GULP1: variants seen among roughly 807,000 people sequenced by gnomAD.
The protein encoded by GULP1 is PTB domain-containing engulfment adapter protein 1.
GULP1 carries 19 observed loss-of-function variants against 40.9 expected under a neutral mutation model. The ratio of observed to expected loss-of-function variants is 0.46; its 90% confidence interval spans 0.32 to 0.68. GULP1 has a LOEUF of 0.68. Among genes scored for constraint, GULP1 ranks in the 30% least tolerant of loss-of-function variants. GULP1 has a pLI of 0.03. For synonymous variants in GULP1, 119 were observed against 117.6 expected (o/e 1.01, Z -0.08); for missense variants, 312 against 362.2 (o/e 0.86, Z 1.12).
intron 1 of GULP1, among the ~76,000 whole-genome samples, chr2:188,372,389 T>C (rs2047715260): frequency 6.6e-6 from 1 of 152,092 alleles, no homozygotes; most frequent in Non-Finnish European, 1.5e-5. Context: ...ATAACCTGTT[T>C]CTTATGGTGA....
At chr2:188,511,013 G>A (rs1229649383) in intron 4 of GULP1, among the ~76,000 whole-genome samples, 2 of 151,960 alleles carry the variant, frequency 1.3e-5, no homozygotes, top group African/African-American at 2.4e-5. Flanking sequence ...TAAATTCATT[G>A]AATGTTCATT....
At chr2:188,308,089 C>A (rs559317857) in intron 1 of GULP1, among the ~76,000 whole-genome samples, 35 of 15,986 alleles carry the variant, frequency 2.2e-3, no homozygotes, top group African/African-American at 6.6e-3. Flanking sequence ...ATTACTAAGG[C>A]CTACAGTCTG....
intron 1 of GULP1, among the ~76,000 whole-genome samples, chr2:188,325,005 A>G (rs567610167): frequency 6.6e-6 from 1 of 152,062 alleles, no homozygotes; most frequent in South Asian, 2.1e-4. Context: ...AGTGCAAAAT[A>G]AAGATATTTT....
At chr2:188,557,836 G>A (rs1176603238) in intron 7 of GULP1, among the ~76,000 whole-genome samples, 1 of 152,220 alleles carries the variant, frequency 6.6e-6, no homozygotes, top group Non-Finnish European at 1.5e-5. Flanking sequence ...CAAAGCTTAT[G>A]ACTTGCACCC....
chr2:188,590,483 T>G (rs921839809), intron 11 of GULP1: 1 of 152,198 alleles, frequency 6.6e-6, no homozygotes, highest in African/African-American at 2.4e-5. Context: ...TTAATAAGCC[T>G]AGTGAGACAT....
At position 188,594,293 on chromosome 2, in the gene GULP1, G is replaced by A; in HGVS notation, c.*282G>A. On this transcript the variant is annotated 3_prime_UTR_variant, in exon 12 of 12. Coordinates refer to ENST00000409830, the MANE Select transcript of GULP1 (RefSeq NM_016315.4). ...CATATTATACAAATACCTGCCTTGT[G>A]TCTGAGTTCTATTTAGTTAGCATCT... 1 of 216,320 alleles carries A rather than the reference G, an allele frequency of 4.6e-6. No homozygotes were observed. The allele number at this position is 216,320 out of a possible 1,614,324, so 13.4% of individuals were successfully genotyped here.
chr2:188,317,937 A>G (rs745360984), intron 1 of GULP1, among the ~76,000 whole-genome samples: 1 of 151,896 alleles, frequency 6.6e-6, no homozygotes, highest in South Asian at 2.1e-4. Context: ...CCAGTTTTTC[A>G]TTGTTCATTT....
intron 1 of GULP1, among the ~76,000 whole-genome samples, chr2:188,352,218 A>G (rs1259812566): frequency 6.6e-6 from 1 of 152,154 alleles, no homozygotes; most frequent in Non-Finnish European, 1.5e-5. Context: ...TTTGAATTGA[A>G]TAAAGCTGAT....
At chr2:188,425,091 C>A (rs1168339162) in intron 2 of GULP1, among the ~76,000 whole-genome samples, 1 of 152,070 alleles carries the variant, frequency 6.6e-6, no homozygotes, top group Admixed American at 6.5e-5. Flanking sequence ...CCAATCTTAT[C>A]ATTACTAACA....
rs1210846368 is a variant in GULP1, at chr2:188,292,617, T to C, written c.-172+451T>C. On this transcript the variant is annotated intron_variant, in intron 1 of 11. Transcript: ENST00000409830. This position sits in a 1 kb window ranked among gnomAD's most constrained non-coding sequence, Gnocchi z 4.0. Reference sequence around the variant, plus strand: ...GATCAGACTGGGCTGAGCAGGCAAGTCATCGTCGGGTCACAGCGAGGCGAC... The same window carrying C: ...GATCAGACTGGGCTGAGCAGGCAAGCCATCGTCGGGTCACAGCGAGGCGAC... Among the ~76,000 whole-genome samples, 2 of 152,074 alleles carry C rather than the reference T, an allele frequency of 1.3e-5. No homozygotes were observed. Among genetic ancestry groups the C allele is most frequent in the African/African-American group, 2.4e-5 (1 of 41,406 alleles).
In GULP1 at chr2:188,458,227, A is replaced by G. The variant is rs540453437; in HGVS notation, c.-44-19432A>G. On this transcript the variant is annotated intron_variant, in intron 2 of 11. Transcript: ENST00000409830. The stretch of plus-strand genomic sequence containing the variant: ...GCCTTCTCTTTGACCATATTCCCTC[A>G]TACTTTCTCAAAGAACTTCTTCTTG... Among the ~76,000 whole-genome samples the G allele has an allele frequency of 1.4e-4, 21 of 152,102 alleles. No individual in the cohort carries two copies. In the East Asian group the frequency reaches 3.9e-3, roughly 28 times the overall value.
chr2:188,314,250 C>G (rs2038693641), intron 1 of GULP1, among the ~76,000 whole-genome samples: 1 of 152,012 alleles, frequency 6.6e-6, no homozygotes, highest in African/African-American at 2.4e-5. Context: ...CAAAAGTTTC[C>G]TAACAAAATA....
chr2:188,589,556 A>G (rs1001436988), intron 11 of GULP1: 1 of 384,678 alleles, frequency 2.6e-6, no homozygotes, highest in African/African-American at 2.1e-5. Context: ...TGGAAAAAAA[A>G]TTATGGAGTT....
intron 1 of GULP1, among the ~76,000 whole-genome samples, chr2:188,331,051 T>G (rs2041505414): frequency 6.6e-6 from 1 of 152,218 alleles, no homozygotes; most frequent in South Asian, 2.1e-4. Flanking sequence ...GAGAGCTGCC[T>G]TATGACTAAA....
chr2:188,461,593 C>T (rs776440780), intron 2 of GULP1, among the ~76,000 whole-genome samples: 27 of 151,984 alleles, frequency 1.8e-4, no homozygotes, highest in African/African-American at 2.2e-4. Flanking sequence ...GCTGAACCAC[C>T]GTGACTGGCC....
intron 4 of GULP1, among the ~76,000 whole-genome samples, chr2:188,495,633 C>CTTT (rs2062826105): frequency 1.3e-5 from 2 of 152,106 alleles, no homozygotes; most frequent in East Asian, 3.9e-4. Context: ...AAAGTGGACA[C>CTTT]TACAACTTAA....
intron 4 of GULP1, among the ~76,000 whole-genome samples, chr2:188,505,695 C>G (rs2153178035): frequency 6.6e-6 from 1 of 151,900 alleles, no homozygotes. Flanking sequence ...CAGTCCTATT[C>G]ATATGGAAGA....
At chr2:188,337,895 C>T (rs1245373861) in intron 1 of GULP1, among the ~76,000 whole-genome samples, 1 of 152,022 alleles carries the variant, frequency 6.6e-6, no homozygotes, top group African/African-American at 2.4e-5. Flanking sequence ...AAGGAAGGGA[C>T]AGGGAGATTT....
intron 4 of GULP1, among the ~76,000 whole-genome samples, chr2:188,499,462 A>G (rs987744183): frequency 2.0e-5 from 3 of 151,586 alleles, no homozygotes. Context: ...CAGAAATTAC[A>G]TATGTCATTT....
Sources: allele counts gnomAD v4.1 joint callset (sites outside exome capture counted in the v4.1 genomes callset), GRCh38; gene constraint gnomAD v4.1.1; non-coding constraint Gnocchi (gnomAD v3.1); transcripts MANE v1.5; gene names NCBI Gene and HGNC (gene_info 2026-07-23, HGNC 2026-07-21).